The following VSTM2B variants were observed in gnomAD, a reference collection of about 807,000 sequenced individuals.
The protein encoded by VSTM2B is V-set and transmembrane domain containing 2B.
VSTM2B carries 24 observed loss-of-function variants against 24.0 expected under a neutral mutation model. That is an observed-to-expected ratio of 1.00 (90% confidence interval 0.72 to 1.40). The LOEUF (loss-of-function observed/expected upper bound fraction) is 1.40. Among genes scored for constraint, VSTM2B ranks in the 40% most tolerant of loss-of-function variants. The probability of loss-of-function intolerance (pLI) is 0.00; values close to 1 mark genes in which losing one functional copy is unlikely to be tolerated. For synonymous variants in VSTM2B, 226 were observed against 194.4 expected, an observed-to-expected ratio of 1.16 and a Z score of -1.35; for missense variants, 399 against 416.4, an observed-to-expected ratio of 0.96 and a Z score of 0.36.
At position 29,550,205 on chromosome 19, in the gene VSTM2B, G is replaced by A. The variant is rs181821779; in HGVS notation, c.770-13641G>A. On this transcript the variant is annotated intron_variant, in intron 4 of 4. Transcript: ENST00000335523. ...TCCCAACACTTTGGGAGGCCAAGGCGGGAGGATCACTTGAGGCCAGGATTT... is the reference window on the plus strand; with the variant it reads ...TCCCAACACTTTGGGAGGCCAAGGCAGGAGGATCACTTGAGGCCAGGATTT... Among the ~76,000 whole-genome samples, 144 of 152,340 alleles carry A rather than the reference G, an allele frequency of 9.5e-4. 1 individual carries two copies. In the East Asian group the frequency reaches 0.022, roughly 23 times the overall value.
chr19:29,558,122 A>G (rs530636930), intron 4 of VSTM2B, among the ~76,000 whole-genome samples: 2 of 152,136 alleles, frequency 1.3e-5, no homozygotes, highest in Non-Finnish European at 2.9e-5. Context: ...GCTCAACATC[A>G]CTGATCATTA....
chr19:29,557,903 G>A (rs1201745551), intron 4 of VSTM2B, among the ~76,000 whole-genome samples: 1 of 152,054 alleles, frequency 6.6e-6, no homozygotes, highest in Non-Finnish European at 1.5e-5. Flanking sequence ...TATCATCAGA[G>A]TGAACAGACA....
intron 4 of VSTM2B, among the ~76,000 whole-genome samples, chr19:29,555,858 G>C (rs1459969145): frequency 6.6e-6 from 1 of 152,044 alleles, no homozygotes; most frequent in Non-Finnish European, 1.5e-5. Context: ...ACTGAACCAG[G>C]AAGAAGTTGA....
intron 4 of VSTM2B, among the ~76,000 whole-genome samples, chr19:29,550,978 G>A (rs1022321951): frequency 6.6e-6 from 1 of 152,190 alleles, no homozygotes. Context: ...CTAAGCCACG[G>A]CCAGAAAACA....
intron 2 of VSTM2B, among the ~76,000 whole-genome samples, chr19:29,527,852 A>C (rs560592187): frequency 3.2e-4 from 48 of 152,228 alleles, no homozygotes; most frequent in African/African-American, 1.1e-3. Flanking sequence ...CCTCAGGGGC[A>C]CAGAGGGGCC....
chr19:29,528,397 G>C, intron 2 of VSTM2B, 36 bp from the exon 3 acceptor site: 6 of 1,551,090 alleles, frequency 3.9e-6, no homozygotes, highest in Non-Finnish European at 5.2e-6. Flanking sequence ...AGAAGGCCGC[G>C]AGCCTCACGT....
intron 4 of VSTM2B, among the ~76,000 whole-genome samples, chr19:29,535,216 T>C (rs1038749619): frequency 2.0e-5 from 3 of 152,218 alleles, no homozygotes; most frequent in African/African-American, 7.2e-5. Context: ...GTGAACACTT[T>C]GTTGCTGGTT....
At chr19:29,527,177 C>G in intron 1 of VSTM2B, 34 bp from the exon 2 acceptor site, 1 of 1,531,614 alleles carries the variant, frequency 6.5e-7, no homozygotes, top group Non-Finnish European at 8.8e-7. Context: ...CGACCTACAG[C>G]TGGTCACGCC....
In VSTM2B at chr19:29,528,367, G is replaced by T. The variant is rs368273940; in HGVS notation, c.268-66G>T. On this transcript the variant is annotated intron_variant, in intron 2 of 4. Coordinates refer to ENST00000335523, the MANE Select transcript of VSTM2B (RefSeq NM_001146339.2). ...GAGGAGGGTGCCCTTGCCTAAAGGC[G>T]GATCCGAGTTCCCCTAGCCAGAAGG... 17 of 1,548,628 alleles carry T rather than the reference G, an allele frequency of 1.1e-5. No homozygotes were observed. The African/African-American group carries it at 2.2e-4, about 20-fold the overall frequency.
chr19:29,528,769 C>G (rs908188067), intron 3 of VSTM2B, among the ~76,000 whole-genome samples: 2 of 152,266 alleles, frequency 1.3e-5, no homozygotes, highest in Non-Finnish European at 2.9e-5. Flanking sequence ...CTGCCAGCCT[C>G]CGCTCTGCGG....
Sources: allele counts gnomAD v4.1 joint callset (sites outside exome capture counted in the v4.1 genomes callset), GRCh38; gene constraint gnomAD v4.1.1; transcripts MANE v1.5; gene names NCBI Gene and HGNC (gene_info 2026-07-23, HGNC 2026-07-21).